NFKBIL1: variants seen among roughly 807,000 people sequenced by gnomAD.
NFKBIL1 encodes NFKB inhibitor like 1.
In NFKBIL1, 30 loss-of-function variants were observed where a neutral mutation model predicts 45.4. The ratio of observed to expected loss-of-function variants is 0.66; its 90% CI spans 0.49 to 0.90. The LOEUF (loss-of-function observed/expected upper bound fraction) is 0.90. Ranked by LOEUF, NFKBIL1 falls within the 40% of genes least tolerant of loss-of-function variation. NFKBIL1 has a pLI of 0.00. For synonymous variants in NFKBIL1, 179 were observed against 197.3 expected (o/e 0.91, Z 0.78); for missense variants, 434 against 513.4 (o/e 0.85, Z 1.49).
At chr6:31,554,898 A>C (rs1372381360) in intron 2 of NFKBIL1, among the ~76,000 whole-genome samples, 1 of 152,250 alleles carries the variant, frequency 6.6e-6, no homozygotes, top group Non-Finnish European at 1.5e-5. Flanking sequence ...AGTCGTCAAA[A>C]AGTATGAGGT....
upstream of NFKBIL1, chr6:31,547,558 C>T: frequency 1.8e-6 from 1 of 557,526 alleles, no homozygotes; most frequent in Non-Finnish European, 3.1e-6. Flanking sequence ...CTTCCGTCCT[C>T]CACCTGCGTC....
chr6:31,556,927 T>C (rs761692288), intron 2 of NFKBIL1: 1 of 355,670 alleles, frequency 2.8e-6, no homozygotes, highest in Non-Finnish European at 5.7e-6. Context: ...CAGTCTGATA[T>C]ATGGTTTCAG....
In NFKBIL1 at chr6:31,557,926, C is replaced by A. The variant is rs942358637; in HGVS notation, c.556+77C>A. 1 of 1,494,946 alleles carries A rather than the reference C, an allele frequency of 6.7e-7. No homozygotes were observed. The highest frequency in any genetic ancestry group is 9.0e-7 in the Non-Finnish European group (1 of 1,105,094). 92.6% of individuals were successfully genotyped at this position (1,494,946 alleles called of 1,614,324 possible). On this transcript the variant is annotated intron_variant, in intron 3 of 3. Transcript: ENST00000376148. The surrounding 1 kb of genome is among the most constrained non-coding windows in gnomAD (Gnocchi z 5.4). ...ATCTGCATGAATGCGTCACACTAGG[C>A]TCCTCTGCCCCCTCCTCTGTGCTTC...
At chr6:31,552,006 A>G (rs1164412158) in intron 2 of NFKBIL1, among the ~76,000 whole-genome samples, 1 of 152,128 alleles carries the variant, frequency 6.6e-6, no homozygotes, top group Non-Finnish European at 1.5e-5. Flanking sequence ...CATGTTGGCC[A>G]GACTGCTCTC....
chr6:31,547,755 CATG>C lies in NFKBIL1; in HGVS notation c.57+7_57+9del. ...AGCCTCCACATCTGTCTGCCGGGTA[CATG>C]ATATTCAATTTCTAGATCATTATTG... is the stretch of plus-strand genomic sequence containing the variant. On this transcript the variant is annotated splice_donor_5th_base_variant and intron_variant, in intron 1 of 3. Coordinates refer to ENST00000376148, the MANE Select transcript of NFKBIL1 (RefSeq NM_005007.4). 6.2e-7 allele frequency: 1 copy of C among 1,605,798 alleles called. No individual in the cohort carries two copies. Among genetic ancestry groups the C allele is most frequent in the Non-Finnish European group, 8.5e-7 (1 of 1,173,820 alleles).
In NFKBIL1 at chr6:31,548,247, C is replaced by G. The variant is rs199556213; in HGVS notation, c.142C>G (p.Arg48Gly). Residue 48 changes from arginine to glycine, a missense_variant, in exon 2 of 4, where the codon CGG becomes GGG. Physicochemically the swap from Arg to Gly is moderately radical, Grantham distance 125. Transcript: ENST00000376148. ...RRYLSAGRLV[R>G]AQALLQRHPG... is the part of the protein sequence containing the mutation. ...TTACTTGTCTGCAGGACGGCTGGTC[C>G]GGGCCCAGGCCCTCCTCCAGCGACA... 1 of 1,613,094 alleles carries G rather than the reference C, an allele frequency of 6.2e-7. No homozygotes were observed. The highest frequency in any genetic ancestry group is 8.5e-7 in the Non-Finnish European group (1 of 1,180,034).
chr6:31,549,879 G>A (rs1769331454), intron 2 of NFKBIL1, among the ~76,000 whole-genome samples: 1 of 152,080 alleles, frequency 6.6e-6, no homozygotes, highest in South Asian at 2.1e-4. Context: ...GGCACTGAAG[G>A]ATTCAAATGG....
chr6:31,551,751 T>C (rs374260337), intron 2 of NFKBIL1, among the ~76,000 whole-genome samples: 80 of 152,190 alleles, frequency 5.3e-4, no homozygotes, highest in African/African-American at 1.9e-3. Context: ...CACACCACCA[T>C]GCCCAGCTAA....
Position 31,558,552 on chromosome 6 carries a change from A to T in NFKBIL1, c.1087A>T (p.Met363Leu). ...TGAGACCTGGGAGCTGGGCCGTGTG[A>T]TGGGAGCAGTGACAGCCCTTTCTCA... ...QIETWELGRV[M>L]GAVTALSQAL... The change falls in exon 4 of 4, where the codon ATG becomes TTG. Residue 363 changes from methionine to leucine, a missense_variant. Around this residue, in one of 4 missense-constraint regions of NFKBIL1, gnomAD observed 52 missense variants for 95.9 expected, o/e 0.54. Transcript: ENST00000376148. The surrounding 1 kb of genome is among the most constrained non-coding windows in gnomAD (Gnocchi z 7.2). 1 of 1,565,056 alleles carries T rather than the reference A, an allele frequency of 6.4e-7. No homozygotes were observed. Among genetic ancestry groups the T allele is most frequent in the Non-Finnish European group, 8.7e-7 (1 of 1,154,556 alleles).
chr6:31,556,966 CAA>C (rs1370444892), intron 2 of NFKBIL1, among the ~76,000 whole-genome samples: 1 of 152,102 alleles, frequency 6.6e-6, no homozygotes, highest in Non-Finnish European at 1.5e-5. Flanking sequence ...TATATAGTGA[CAA>C]TATTTTTAAG....
At position 31,548,152 on chromosome 6, in the gene NFKBIL1, T is replaced by A. The variant is rs776913639; in HGVS notation, c.58-11T>A. Reference sequence around the variant, plus strand: ...CTGAAGTCCTGACTGCTGCCTTTTTTCCTTCCCCAGCCCAAGAGTTCCATG... The same window carrying A: ...CTGAAGTCCTGACTGCTGCCTTTTTACCTTCCCCAGCCCAAGAGTTCCATG... On this transcript the variant is annotated splice_polypyrimidine_tract_variant and intron_variant, in intron 1 of 3. Coordinates refer to ENST00000376148, the MANE Select transcript of NFKBIL1 (RefSeq NM_005007.4). The A allele has an allele frequency of 6.2e-7, 1 of 1,612,974 alleles. No individual in the cohort carries two copies. Among genetic ancestry groups the A allele is most frequent in the African/African-American group, 1.3e-5 (1 of 74,934 alleles).
At chr6:31,550,830 C>G (rs940982446) in intron 2 of NFKBIL1, among the ~76,000 whole-genome samples, 1 of 152,162 alleles carries the variant, frequency 6.6e-6, no homozygotes, top group Non-Finnish European at 1.5e-5. Flanking sequence ...GCTGGGATTA[C>G]AGGCATGCAC....
In NFKBIL1 at chr6:31,548,162, G is replaced by A. The variant is rs376423567; in HGVS notation, c.58-1G>A. On this transcript the variant is annotated splice_acceptor_variant, in intron 1 of 3. Coordinates refer to ENST00000376148, the MANE Select transcript of NFKBIL1 (RefSeq NM_005007.4). LOFTEE classifies it high-confidence loss of function. ...GACTGCTGCCTTTTTTCCTTCCCCA[G>A]CCCAAGAGTTCCATGGCCTCCACTT... 1.9e-6 allele frequency: 3 copies of A among 1,613,084 alleles called. No homozygotes were observed. Among genetic ancestry groups the A allele is most frequent in the Non-Finnish European group, 2.5e-6 (3 of 1,180,024 alleles).
chr6:31,557,600 C>T lies in NFKBIL1; in HGVS notation c.335-28C>T. 1 of 1,478,632 alleles carries T rather than the reference C, an allele frequency of 6.8e-7. No individual in the cohort carries two copies. Among genetic ancestry groups the T allele is most frequent in the South Asian group, 1.5e-5 (1 of 67,574 alleles). 91.6% of individuals were successfully genotyped at this position (1,478,632 alleles called of 1,614,324 possible). ...GCCGAGGAGTGGGAGTCCCAGCTAACTTCTGCTCCCTGCTCTCCCACCAAC... is the reference window on the plus strand; with the variant it reads ...GCCGAGGAGTGGGAGTCCCAGCTAATTTCTGCTCCCTGCTCTCCCACCAAC... On this transcript the variant is annotated intron_variant, in intron 2 of 3. Transcript: ENST00000376148. This position sits in a 1 kb window ranked among gnomAD's most constrained non-coding sequence, Gnocchi z 5.4.
At chr6:31,548,625 A>G (rs957017723) in intron 2 of NFKBIL1, among the ~76,000 whole-genome samples, 186 bp downstream of exon 2, 1 of 152,218 alleles carries the variant, frequency 6.6e-6, no homozygotes, top group Non-Finnish European at 1.5e-5. Context: ...GAAGAACCCA[A>G]CATTCCCCAA....
chr6:31,557,915 G>A lies in NFKBIL1; in HGVS notation c.556+66G>A, dbSNP rs549182499. 3.1e-5 allele frequency: 47 copies of A among 1,507,142 alleles called. No individual in the cohort carries two copies. The highest frequency in any genetic ancestry group is 1.2e-4 in the East Asian group (5 of 43,440). 93.4% of individuals were successfully genotyped at this position (1,507,142 alleles called of 1,614,324 possible). A position where few individuals can be genotyped will look rare whatever the true frequency, so the allele number is the denominator to read the frequency against. ...GGCTGCTTTCCATCTGCATGAATGC[G>A]TCACACTAGGCTCCTCTGCCCCCTC... On this transcript the variant is annotated intron_variant, in intron 3 of 3. Transcript: ENST00000376148. This position sits in a 1 kb window ranked among gnomAD's most constrained non-coding sequence, Gnocchi z 5.4.
Position 31,548,259 on chromosome 6 carries a change from C to T in NFKBIL1, c.154C>T (p.Leu52Phe). 1 of 1,613,022 alleles carries T rather than the reference C, an allele frequency of 6.2e-7. No individual in the cohort carries two copies. The highest frequency in any genetic ancestry group is 8.5e-7 in the Non-Finnish European group (1 of 1,180,034). Residue 52 changes from leucine to phenylalanine, a missense_variant, in exon 2 of 4, where the codon CTC becomes TTC. Leu to Phe is a conservative substitution (Grantham distance 22, BLOSUM62 0). Around this residue, in one of 4 missense-constraint regions of NFKBIL1, gnomAD observed 231 missense variants for 264.1 expected, o/e 0.87. Coordinates refer to ENST00000376148, the MANE Select transcript of NFKBIL1 (RefSeq NM_005007.4). Reference protein sequence around the residue: ...SAGRLVRAQALLQRHPGLDVD... With the variant: ...SAGRLVRAQAFLQRHPGLDVD... ...AGGACGGCTGGTCCGGGCCCAGGCC[C>T]TCCTCCAGCGACACCCAGGCCTCGA...
chr6:31,555,909 C>A lies in NFKBIL1; in HGVS notation c.335-1719C>A, dbSNP rs867718024. Among the ~76,000 whole-genome samples, 308 of 149,402 alleles carry A rather than the reference C, an allele frequency of 2.1e-3. 2 individuals are homozygous for A. Among genetic ancestry groups the A allele is most frequent in the African/African-American group, 4.8e-3 (193 of 40,594 alleles). On this transcript the variant is annotated intron_variant, in intron 2 of 3. Coordinates refer to ENST00000376148, the MANE Select transcript of NFKBIL1 (RefSeq NM_005007.4). The stretch of plus-strand genomic sequence containing the variant: ...CCTTGTGATCCATTGTCCCCCCCCC[C>A]CAGCCTCCCAAAGTGCTGGGATTAC...
Position 31,548,271 on chromosome 6 carries a change from C to T in NFKBIL1, c.166C>T (p.His56Tyr). ...LVRAQALLQR[H>Y]PGLDVDAGQP... ...CCGGGCCCAGGCCCTCCTCCAGCGACACCCAGGCCTCGATGTAGATGCTGG... is the reference window on the plus strand; with the variant it reads ...CCGGGCCCAGGCCCTCCTCCAGCGATACCCAGGCCTCGATGTAGATGCTGG... The change falls in exon 2 of 4, where the codon CAC becomes TAC. Residue 56 changes from histidine (H) to tyrosine (Y), a missense_variant. Transcript: ENST00000376148. The T allele has an allele frequency of 6.2e-7, 1 of 1,612,754 alleles. No individual in the cohort carries two copies. Among genetic ancestry groups the T allele is most frequent in the South Asian group, 1.1e-5 (1 of 91,072 alleles).
Sources: allele counts gnomAD v4.1 joint callset (sites outside exome capture counted in the v4.1 genomes callset), GRCh38; gene constraint gnomAD v4.1.1; regional missense constraint gnomAD v4.1.1; non-coding constraint Gnocchi (gnomAD v3.1); transcripts MANE v1.5; gene names NCBI Gene and HGNC (gene_info 2026-07-23, HGNC 2026-07-21).